The following SPTBN5 variants were observed in gnomAD, a reference collection of about 807,000 sequenced individuals.
SPTBN5 encodes the protein spectrin beta chain, non-erythrocytic 5.
Under a neutral mutation model 477.6 loss-of-function variants are expected in SPTBN5, and 513 were observed. That is an observed-to-expected ratio of 1.07 (90% CI 1.00 to 1.16). The LOEUF is 1.16. Among genes scored for constraint, SPTBN5 ranks in the 50% most tolerant of loss-of-function variants. SPTBN5 has a pLI of 0.00. For missense variants in SPTBN5, 5,062 were observed against 4,731.8 expected, an observed-to-expected ratio of 1.07 and a Z score of -2.05; for synonymous variants, 2,169 against 2,011.7, an observed-to-expected ratio of 1.08 and a Z score of -2.09.
Position 41,882,721 on chromosome 15 carries a change from T to TGCTCCAGCAGGGCCC in SPTBN5, c.1895_1909dup (p.Arg632_Glu636dup). On this transcript the variant is annotated inframe_insertion, in exon 10 of 68. Coordinates refer to ENST00000320955, the MANE Select transcript of SPTBN5 (RefSeq NM_016642.4). ...CAGGAACTCTGCCCGCTGCAGGGTC[T>TGCTCCAGCAGGGCCC]GCTCCAGCAGGGCCCGCCTGAGGGA... 1 of 1,610,170 alleles carries TGCTCCAGCAGGGCCC rather than the reference T, an allele frequency of 6.2e-7. No individual in the cohort carries two copies. The highest frequency in any genetic ancestry group is 8.5e-7 in the Non-Finnish European group (1 of 1,178,544).
chr15:41,888,287 G>A (rs2067216062), intron 4 of SPTBN5, among the ~76,000 whole-genome samples: 1 of 152,258 alleles, frequency 6.6e-6, no homozygotes, highest in Admixed American at 6.5e-5. Context: ...GAGAGTGACT[G>A]GCCTTCCAAA....
At chr15:41,892,468 C>T (rs1429487475) in intron 3 of SPTBN5, among the ~76,000 whole-genome samples, 2 of 152,220 alleles carry the variant, frequency 1.3e-5, no homozygotes, top group African/African-American at 2.4e-5. Flanking sequence ...AGGCCCTGCT[C>T]CTCTTCCCCA....
At position 41,886,229 on chromosome 15, in the gene SPTBN5, CCG is replaced by C. The variant is rs758876406; in HGVS notation, c.1024_1025del (p.Arg342AlafsTer47). 5 of 1,613,156 alleles carry C rather than the reference CCG, an allele frequency of 3.1e-6. No homozygotes were observed. Among genetic ancestry groups the C allele is most frequent in the Non-Finnish European group, 4.2e-6 (5 of 1,179,898 alleles). On this transcript the variant is annotated frameshift_variant, in exon 7 of 68. Coordinates refer to ENST00000320955, the MANE Select transcript of SPTBN5 (RefSeq NM_016642.4). LOFTEE classifies it high-confidence loss of function. Reference sequence around the variant, plus strand: ...AGATGGTGAATGCTGCCAGTAGCTGCCGCATGGCGGGCAGCGAGTCTGGAAAA... The same window carrying C: ...AGATGGTGAATGCTGCCAGTAGCTGCCATGGCGGGCAGCGAGTCTGGAAAA... ...RDFPDSLPAM[R>X]QLLAAFTIFR... is the part of the protein sequence containing the mutation.
In SPTBN5 at chr15:41,866,174, C is replaced by T. The variant is rs1329802632; in HGVS notation, c.6686G>A (p.Arg2229Gln). Residue 2229 changes from arginine (R) to glutamine (Q), a missense_variant, in exon 38 of 68, where the codon CGG (arginine) becomes CAG (glutamine). Coordinates refer to ENST00000320955, the MANE Select transcript of SPTBN5 (RefSeq NM_016642.4). ...SHPRAGEVSQ[R>Q]LQGLRKHWED... The stretch of plus-strand genomic sequence containing the variant: ...CCAGTGCTTCCGCAGGCCCTGCAGC[C>T]GCTGGGAGACCTCTCCGGCTCGAGG... 3.8e-6 allele frequency: 6 copies of T among 1,571,492 alleles called. No homozygotes were observed. The highest frequency in any genetic ancestry group is 4.7e-5 in the East Asian group (2 of 42,746).
chr15:41,852,023 T>C (rs2065780292), intron 62 of SPTBN5, 159 bp downstream of exon 62: 1 of 987,124 alleles, frequency 1.0e-6, no homozygotes, highest in East Asian at 2.5e-5. Context: ...GTGGTATGGC[T>C]GTAGACAGCC....
chr15:41,854,227 G>A (rs1036123841), intron 56 of SPTBN5, 22 bp from the exon 57 acceptor site: 5 of 1,581,582 alleles, frequency 3.2e-6, no homozygotes, highest in African/African-American at 1.3e-5. Context: ...GAAAGGACCT[G>A]CTCAGGGCTG....
intron 34 of SPTBN5, 107 bp from the exon 35 acceptor site, chr15:41,867,749 G>A: frequency 1.9e-6 from 2 of 1,060,364 alleles, no homozygotes; most frequent in South Asian, 1.3e-5. Flanking sequence ...CCTTAGGAGT[G>A]CCCACTGAGC....
Position 41,851,845 on chromosome 15 carries a change from T to A in SPTBN5, c.10590A>T (p.Ala3530=), listed in dbSNP as rs778765787. 6.2e-7 allele frequency: 1 copy of A among 1,609,416 alleles called. No homozygotes were observed. Among genetic ancestry groups the A allele is most frequent in the East Asian group, 2.2e-5 (1 of 44,766 alleles). The part of the protein sequence containing the change: ...QLAETRDPQD[A]KGTPTMEGSL... ...ACCCCTCCATGGTGGGGGTACCCTT[T>A]GCATCCTGAAAATGCAAGATGGGGC... is the stretch of plus-strand genomic sequence containing the variant. Residue 3530 remains alanine (A), a synonymous_variant, in exon 63 of 68, where the codon GCA becomes GCT. Coordinates refer to ENST00000320955, the MANE Select transcript of SPTBN5 (RefSeq NM_016642.4).
chr15:41,883,529 C>G, intron 7 of SPTBN5, 43 bp from the exon 8 acceptor site: 1 of 1,592,546 alleles, frequency 6.3e-7, no homozygotes, highest in Non-Finnish European at 8.6e-7. Context: ...TGGGTTGGGG[C>G]AGGGAAGCTA....
chr15:41,870,473 A>G lies in SPTBN5; in HGVS notation c.5535T>C (p.Asp1845=), dbSNP rs546336595. 3.7e-6 allele frequency: 6 copies of G among 1,612,010 alleles called. No individual in the cohort carries two copies. The highest frequency in any genetic ancestry group is 5.1e-6 in the Non-Finnish European group (6 of 1,179,580). Residue 1845 remains aspartate, a synonymous_variant, in exon 30 of 68, where the codon GAT becomes GAC. Coordinates refer to ENST00000320955, the MANE Select transcript of SPTBN5 (RefSeq NM_016642.4). ...DTETTLRVHR[D]LLEVLTQVQE... Reference sequence around the variant, plus strand: ...GGACCTGGGTGAGGACTTCCAAGAGATCTCTGTGAACTCTGAGGGTGGTCT... The same window carrying G: ...GGACCTGGGTGAGGACTTCCAAGAGGTCTCTGTGAACTCTGAGGGTGGTCT...
intron 59 of SPTBN5, 40 bp from the exon 60 acceptor site, chr15:41,853,040 G>A (rs1345223729): frequency 6.8e-7 from 1 of 1,475,162 alleles, no homozygotes; most frequent in East Asian, 2.5e-5. Flanking sequence ...GCTTGGGTAG[G>A]GCTCCCACCA....
rs1414301176 is a variant in SPTBN5, at chr15:41,868,494, C to T, written c.5961G>A (p.Trp1987Ter). Residue 1987 changes from tryptophan (W) to a stop codon, truncating the protein, a stop_gained, in exon 33 of 68, where the codon TGG (tryptophan) becomes TGA (stop). Transcript: ENST00000320955. LOFTEE classifies it high-confidence loss of function. ...SGPLKLSAHQ[W>*]LRAELEAREK... ...CCCGGGCCTCCAGCTCCGCCCGGAG[C>T]CACTGGTGGGCACTGAGCTTCAGCG... 6.2e-7 allele frequency: 1 copy of T among 1,611,392 alleles called. No individual in the cohort carries two copies. Among genetic ancestry groups the T allele is most frequent in the African/African-American group, 1.3e-5 (1 of 75,046 alleles).
At chr15:41,862,495 T>C in intron 43 of SPTBN5, 44 bp downstream of exon 43, 1 of 1,569,412 alleles carries the variant, frequency 6.4e-7, no homozygotes, top group East Asian at 2.3e-5. Flanking sequence ...GGGACTGAGA[T>C]GCTGGAGGAT....
chr15:41,883,269 T>G (rs2067037296), intron 8 of SPTBN5, 41 bp from the exon 9 acceptor site: 2 of 1,604,394 alleles, frequency 1.2e-6, no homozygotes, highest in African/African-American at 2.7e-5. Context: ...CCCAAGGTGC[T>G]GGGTCCCTCT....
intron 24 of SPTBN5, 93 bp downstream of exon 24, chr15:41,874,199 G>A (rs2140947156): frequency 1.3e-6 from 2 of 1,518,086 alleles, no homozygotes; most frequent in Non-Finnish European, 8.9e-7. Flanking sequence ...AGGGGTGAGG[G>A]CTTAGAGGCC....
chr15:41,852,718 C>T lies in SPTBN5; in HGVS notation c.10365G>A (p.Val3455=). The T allele has an allele frequency of 6.2e-7, 1 of 1,613,246 alleles. No individual in the cohort carries two copies. The highest frequency in any genetic ancestry group is 8.5e-7 in the Non-Finnish European group (1 of 1,179,844). ...KPDYGHSVSD[V]ELLLHRHQDL... ...CCTGGTGTCTGTGCAGCAGCAACTC[C>T]ACATCTGACACTGAGTGCTGGGGAG... Residue 3455 remains valine, a synonymous_variant, in exon 61 of 68, where the codon GTG becomes GTA. Transcript: ENST00000320955.
intron 66 of SPTBN5, 29 bp from the exon 67 acceptor site, chr15:41,849,988 G>C: frequency 6.5e-7 from 1 of 1,542,592 alleles, no homozygotes; most frequent in Non-Finnish European, 8.8e-7. Flanking sequence ...ACCACTGTTA[G>C]CCCGGCCCAG....
chr15:41,865,864 C>T lies in SPTBN5; in HGVS notation c.6862G>A (p.Glu2288Lys). The T allele has an allele frequency of 6.3e-7, 1 of 1,584,222 alleles. No homozygotes were observed. The highest frequency in any genetic ancestry group is 1.2e-5 in the South Asian group (1 of 86,302). Residue 2288 changes from glutamate (E) to lysine (K), a missense_variant, in exon 39 of 68, where the codon GAG becomes AAG. Coordinates refer to ENST00000320955, the MANE Select transcript of SPTBN5 (RefSeq NM_016642.4). ...CGCCGTCGGAGCTGCAGGCAGTGCT[C>T]CAGGTCCTGGCCCAGGTCACCAACA... ...MNVGDLGQDL[E>K]HCLQLRRRLR...
chr15:41,860,838 A>G (rs2066081129), intron 46 of SPTBN5, 80 bp from the exon 47 acceptor site: 4 of 1,317,608 alleles, frequency 3.0e-6, no homozygotes, highest in African/African-American at 1.5e-5. Context: ...ACCTAGAACC[A>G]TCCTACCAAA....
Sources: gnomAD v4.1 joint callset for allele counts (sites outside exome capture counted in the v4.1 genomes callset) on GRCh38, gnomAD v4.1.1 for gene constraint, MANE v1.5 for transcripts, NCBI Gene and HGNC (gene_info 2026-07-23, HGNC 2026-07-21) for gene names.